The following CLSTN1 variants were observed in gnomAD, a reference collection of about 807,000 sequenced individuals.
The protein encoded by CLSTN1 is calsyntenin-1.
In CLSTN1, 28 loss-of-function variants were observed where a neutral mutation model predicts 108.3. The ratio of observed to expected loss-of-function variants is 0.26; its 90% CI spans 0.19 to 0.35. The LOEUF is 0.35. Ranked by LOEUF, CLSTN1 falls within the 10% of genes least tolerant of loss-of-function variation. The pLI is 1.00. For missense variants in CLSTN1, 1,157 were observed against 1,302.6 expected (o/e 0.89, Z 1.72); for synonymous variants, 524 against 534.9 (o/e 0.98, Z 0.28).
At chr1:9,818,394 T>C (rs973747539) in intron 1 of CLSTN1, among the ~76,000 whole-genome samples, 2 of 150,628 alleles carry the variant, frequency 1.3e-5, no homozygotes, top group African/African-American at 4.9e-5. Context: ...GGCGGTGTGA[T>C]CTCGGCTCAC....
intron 1 of CLSTN1, 66 bp from the exon 2 acceptor site, chr1:9,773,460 T>C: frequency 6.8e-7 from 1 of 1,463,772 alleles, no homozygotes; most frequent in Non-Finnish European, 9.2e-7. Context: ...CCACTACTTT[T>C]GAAGACACAC....
chr1:9,784,251 G>A (rs899924399), intron 1 of CLSTN1, among the ~76,000 whole-genome samples: 2 of 152,014 alleles, frequency 1.3e-5, no homozygotes, highest in African/African-American at 4.8e-5. Flanking sequence ...GTTGAGGCAG[G>A]GGAATCTCTT....
intron 1 of CLSTN1, among the ~76,000 whole-genome samples, chr1:9,776,728 A>G (rs1018410643): frequency 2.6e-5 from 4 of 152,120 alleles, no homozygotes; most frequent in Non-Finnish European, 2.9e-5. Flanking sequence ...AGGGACCCAA[A>G]TAGCTTTTGT....
rs1651450429 is a variant in CLSTN1 at position 9,749,593 on chromosome 1, G to C, written c.853C>G (p.Pro285Ala). 1.2e-6 allele frequency: 2 copies of C among 1,614,194 alleles called. No homozygotes were observed. Among genetic ancestry groups the C allele is most frequent in the African/African-American group, 1.3e-5 (1 of 75,030 alleles). ...TCACATGTCTCCAGGTGGATATTTG[G>C]AAAGACGGCCAACGCGCCGGTGCCC... ...EPGTGALAVF[P>A]NIHLETCDEP... Residue 285 changes from proline (P) to alanine (A), a missense_variant, in exon 7 of 19, where the codon CCA (proline) becomes GCA (alanine). Physicochemically the swap from Pro to Ala is conservative, Grantham distance 27. Transcript: ENST00000377298.
intron 16 of CLSTN1, 96 bp downstream of exon 16, chr1:9,733,305 T>A: frequency 6.8e-7 from 1 of 1,462,288 alleles, no homozygotes; most frequent in Non-Finnish European, 9.5e-7. Context: ...CCATCATGAA[T>A]GCTCTGAGGT....
intron 9 of CLSTN1, among the ~76,000 whole-genome samples, chr1:9,743,526 ACT>A (rs1344164664): frequency 2.0e-5 from 3 of 152,200 alleles, no homozygotes; most frequent in South Asian, 2.1e-4. Flanking sequence ...GTACCTGCTT[ACT>A]CTCTCTTAGA....
At chr1:9,764,201 G>T (rs1220843787) in intron 2 of CLSTN1, among the ~76,000 whole-genome samples, 2 of 151,920 alleles carry the variant, frequency 1.3e-5, no homozygotes, top group African/African-American at 4.8e-5. Flanking sequence ...GCTCTTGTGG[G>T]AACTAAAAGA....
Position 9,733,480 on chromosome 1 carries a change from C to T in CLSTN1, c.2348G>A (p.Arg783Lys). Residue 783 changes from arginine to lysine, a missense_variant, in exon 16 of 19, where the codon AGG becomes AAG. By Grantham distance (26) the Arg-to-Lys change is conservative. Coordinates refer to ENST00000377298, the MANE Select transcript of CLSTN1 (RefSeq NM_001009566.3). ...CTTAAACTTCCGGTCAAGCAAGGACCTGGCATGCCAGTTCCGATAGCGCAG... is the reference window on the plus strand; with the variant it reads ...CTTAAACTTCCGGTCAAGCAAGGACTTGGCATGCCAGTTCCGATAGCGCAG... Reference protein sequence around the residue: ...HLLRYRNWHARSLLDRKFKLI... With the variant: ...HLLRYRNWHAKSLLDRKFKLI... 6.2e-7 allele frequency: 1 copy of T among 1,614,210 alleles called. No homozygotes were observed. The highest frequency in any genetic ancestry group is 8.5e-7 in the Non-Finnish European group (1 of 1,180,042).
intron 7 of CLSTN1, among the ~76,000 whole-genome samples, 172 bp downstream of exon 7, chr1:9,749,289 G>A (rs888160579): frequency 6.6e-6 from 1 of 152,102 alleles, no homozygotes; most frequent in Non-Finnish European, 1.5e-5. Flanking sequence ...CACCCCCGAA[G>A]CCCATCCAGT....
chr1:9,776,313 C>A (rs780653904), intron 1 of CLSTN1, among the ~76,000 whole-genome samples: 1 of 152,168 alleles, frequency 6.6e-6, no homozygotes, highest in Non-Finnish European at 1.5e-5. Flanking sequence ...CATTTGTACA[C>A]ACTACATCCA....
Position 9,804,480 on chromosome 1 carries a change from T to G in CLSTN1, c.91+19163A>C, listed in dbSNP as rs564535343. On this transcript the variant is annotated intron_variant, in intron 1 of 18. Coordinates refer to ENST00000377298, the MANE Select transcript of CLSTN1 (RefSeq NM_001009566.3). ...GGGCCTCCCTGGGAGCAGCAGCAGG[T>G]GCTCTATGTTATGGGCAATTCCAGG... Among the ~76,000 whole-genome samples the G allele has an allele frequency of 2.0e-5, 3 of 151,654 alleles. No homozygotes were observed. In the South Asian group the frequency reaches 6.3e-4, roughly 32 times the overall value.
chr1:9,767,336 A>AG (rs1652389496), intron 2 of CLSTN1, among the ~76,000 whole-genome samples: 2 of 152,142 alleles, frequency 1.3e-5, no homozygotes, highest in South Asian at 4.1e-4. Flanking sequence ...TGAGCTCAGG[A>AG]GTTCGTAACC....
intron 4 of CLSTN1, 96 bp from the exon 5 acceptor site, chr1:9,751,777 C>G (rs779265958): frequency 4.7e-6 from 5 of 1,071,706 alleles, no homozygotes; most frequent in Non-Finnish European, 6.8e-6. Context: ...TTCTGCCCTA[C>G]TTTAAAATTT....
Position 9,767,805 on chromosome 1 carries a change from G to A in CLSTN1, c.214+5467C>T, listed in dbSNP as rs75322194. On this transcript the variant is annotated intron_variant, in intron 2 of 18. Transcript: ENST00000377298. ...CTGTAAGAAAATGCAACACTATAAC[G>A]ACTTTTGTAGAAAGATGAAAAAATA... Among the ~76,000 whole-genome samples the A allele has an allele frequency of 4.8e-3, 731 of 152,186 alleles. 3 individuals carry two copies. Among genetic ancestry groups the A allele is most frequent in the African/African-American group, 0.016 (657 of 41,508 alleles).
intron 1 of CLSTN1, among the ~76,000 whole-genome samples, chr1:9,804,100 C>T (rs1030490931): frequency 1.5e-4 from 23 of 152,106 alleles, no homozygotes; most frequent in African/African-American, 5.3e-4. Flanking sequence ...CGGTGGCTCA[C>T]GCCTGTAATC....
intron 1 of CLSTN1, among the ~76,000 whole-genome samples, chr1:9,814,595 G>A (rs1476092609): frequency 2.0e-5 from 3 of 152,176 alleles, no homozygotes; most frequent in African/African-American, 7.2e-5. Flanking sequence ...TAGCCAACTA[G>A]CATAACAAAA....
At chr1:9,741,007 GGATACC>G in intron 10 of CLSTN1, 81 bp downstream of exon 10, 1 of 1,407,182 alleles carries the variant, frequency 7.1e-7, no homozygotes. Context: ...TAAGGCTGTA[GGATACC>G]GATCACAGCC....
At chr1:9,745,562 T>TG (rs1166072221) in intron 7 of CLSTN1, among the ~76,000 whole-genome samples, 4 of 151,154 alleles carry the variant, frequency 2.6e-5, no homozygotes, top group Non-Finnish European at 4.4e-5. Context: ...GAGGCTGAGA[T>TG]GGGAGGATCA....
rs756835009 is a variant in CLSTN1 at position 9,731,856 on chromosome 1, T to C, written c.2468A>G (p.Asn823Ser). 6.8e-6 allele frequency: 11 copies of C among 1,613,994 alleles called. No individual in the cohort carries two copies. Among genetic ancestry groups the C allele is most frequent in the Admixed American group, 3.3e-5 (2 of 59,988 alleles). Residue 823 changes from asparagine (N) to serine (S), a missense_variant, in exon 17 of 19, where the codon AAC becomes AGC. By Grantham distance (46) the Asn-to-Ser change is conservative. Coordinates refer to ENST00000377298, the MANE Select transcript of CLSTN1 (RefSeq NM_001009566.3). The part of the protein sequence containing the change: ...IHTANPMEHA[N>S]HMAAQPQFVH... ...GAACTGTGGCTGGGCAGCCATGTGG[T>C]TGGCGTGTTCCATGGGGTTGGCCGT...
Sources: allele counts gnomAD v4.1 joint callset (sites outside exome capture counted in the v4.1 genomes callset), GRCh38; gene constraint gnomAD v4.1.1; transcripts MANE v1.5; gene names NCBI Gene and HGNC (gene_info 2026-07-23, HGNC 2026-07-21).